The following DLG2 variants were observed in gnomAD, a reference collection of about 807,000 sequenced individuals.
DLG2 encodes the protein discs large MAGUK scaffold protein 2.
DLG2 carries 45 observed loss-of-function variants against 132.5 expected under a neutral mutation model. That is an observed-to-expected ratio of 0.34 (90% CI 0.27 to 0.44). The LOEUF is 0.44. DLG2 is among the 20% of genes least tolerant of loss of function. The pLI, the probability that DLG2 is intolerant of heterozygous loss-of-function variation, is 1.00. For missense variants in DLG2, 1,045 were observed against 1,196.9 expected (o/e 0.87, Z 1.87); for synonymous variants, 424 against 419.6 (o/e 1.01, Z -0.13).
intron 3 of DLG2, among the ~76,000 whole-genome samples, chr11:85,324,513 C>T (rs975965070): frequency 2.6e-5 from 4 of 152,142 alleles, no homozygotes; most frequent in African/African-American, 9.7e-5. Context: ...TACTGATACA[C>T]TGGTATTATT....
intron 6 of DLG2, among the ~76,000 whole-genome samples, chr11:84,733,148 A>G (rs2063367335): frequency 6.6e-6 from 1 of 152,204 alleles, no homozygotes; most frequent in South Asian, 2.1e-4. Flanking sequence ...TCCTTTGGGT[A>G]TATACCCAGT....
At chr11:85,396,102 G>A (rs948216234) in intron 3 of DLG2, among the ~76,000 whole-genome samples, 1 of 152,184 alleles carries the variant, frequency 6.6e-6, no homozygotes, top group Non-Finnish European at 1.5e-5. Context: ...CTGTTCTGCA[G>A]CCTCCGCTGG....
In DLG2 at chr11:83,496,427, A is replaced by G. The variant is rs541344514; in HGVS notation, c.2194-12199T>C. 5.9e-5 allele frequency among the ~76,000 whole-genome samples: 9 copies of G among 152,262 alleles called. No individual in the cohort carries two copies. In the South Asian group the frequency reaches 1.9e-3, roughly 32 times the overall value. ...GGTATCTTCTTGTAAATGTAATCAT[A>G]TAACTAATGTATGACTTAGAAATTC... is the stretch of plus-strand genomic sequence containing the variant. On this transcript the variant is annotated intron_variant, in intron 21 of 27. Coordinates refer to ENST00000376104, the MANE Select transcript of DLG2 (RefSeq NM_001142699.3).
intron 6 of DLG2, among the ~76,000 whole-genome samples, chr11:84,538,773 T>C (rs952584316): frequency 2.0e-5 from 3 of 152,102 alleles, no homozygotes; most frequent in Non-Finnish European, 4.4e-5. Flanking sequence ...TAGGGAGTCA[T>C]CCAAGAGACC....
intron 15 of DLG2, among the ~76,000 whole-genome samples, chr11:83,886,886 T>C (rs961447916): frequency 1.3e-5 from 2 of 150,266 alleles, no homozygotes; most frequent in Non-Finnish European, 2.9e-5. Context: ...AATAAAGATG[T>C]TCTTTGAAAC....
At chr11:83,679,156 A>T (rs1035512523) in intron 18 of DLG2, among the ~76,000 whole-genome samples, 1 of 152,172 alleles carries the variant, frequency 6.6e-6, no homozygotes, top group Non-Finnish European at 1.5e-5. Context: ...GCCAATTTAC[A>T]TTAGTAGTAT....
At chr11:84,579,985 G>A (rs1171635654) in intron 6 of DLG2, among the ~76,000 whole-genome samples, 1 of 152,174 alleles carries the variant, frequency 6.6e-6, no homozygotes, top group Non-Finnish European at 1.5e-5. Flanking sequence ...CACCATGAAA[G>A]TGAGTATAAG....
chr11:84,639,783 C>A, intron 6 of DLG2, among the ~76,000 whole-genome samples: 1 of 152,066 alleles, frequency 6.6e-6, no homozygotes, highest in East Asian at 1.9e-4. Context: ...TCCCTCTCTT[C>A]TTGATATATC....
At chr11:84,149,845 C>A (rs1473850282) in intron 9 of DLG2, among the ~76,000 whole-genome samples, 3 of 152,026 alleles carry the variant, frequency 2.0e-5, no homozygotes, top group Non-Finnish European at 2.9e-5. Flanking sequence ...GCAGCCTCCA[C>A]CTCCCGGGTT....
At chr11:85,260,308 G>T (rs1012003264) in intron 4 of DLG2, among the ~76,000 whole-genome samples, 5 of 152,134 alleles carry the variant, frequency 3.3e-5, no homozygotes, top group Non-Finnish European at 7.4e-5. Context: ...GCTACTTCTT[G>T]ACTTTTAATA....
At chr11:83,502,642 C>T (rs556404135) in intron 21 of DLG2, among the ~76,000 whole-genome samples, 1 of 152,178 alleles carries the variant, frequency 6.6e-6, no homozygotes, top group Admixed American at 6.5e-5. Context: ...TGTAGCTTCC[C>T]TAAGGGCTCC....
intron 7 of DLG2, among the ~76,000 whole-genome samples, chr11:84,309,466 C>A (rs925295034): frequency 1.3e-5 from 2 of 152,142 alleles, no homozygotes; most frequent in African/African-American, 4.8e-5. Context: ...GGACATGGAC[C>A]AATTCTGCCA....
chr11:84,403,646 G>T (rs1162728990), intron 7 of DLG2, among the ~76,000 whole-genome samples: 1 of 152,120 alleles, frequency 6.6e-6, no homozygotes, highest in Non-Finnish European at 1.5e-5. Flanking sequence ...ACGCCTACTA[G>T]CTTACCCAAT....
chr11:85,004,128 C>A (rs1237818632), intron 6 of DLG2, among the ~76,000 whole-genome samples: 1 of 152,092 alleles, frequency 6.6e-6, no homozygotes, highest in Non-Finnish European at 1.5e-5. Flanking sequence ...CATTGATGGG[C>A]ATTTGGGTTG....
intron 11 of DLG2, among the ~76,000 whole-genome samples, chr11:84,038,340 T>C (rs945305100): frequency 6.6e-6 from 1 of 151,562 alleles, no homozygotes; most frequent in Non-Finnish European, 1.5e-5. Context: ...GCAAAGGACA[T>C]GAACAGACGC....
intron 6 of DLG2, among the ~76,000 whole-genome samples, chr11:85,062,035 T>A (rs1300522987): frequency 6.6e-6 from 1 of 151,812 alleles, no homozygotes; most frequent in Non-Finnish European, 1.5e-5. Context: ...TGAACATAAT[T>A]TATAAAAAGA....
intron 3 of DLG2, among the ~76,000 whole-genome samples, chr11:85,360,494 A>T (rs2084060180): frequency 6.6e-6 from 1 of 152,210 alleles, no homozygotes; most frequent in Non-Finnish European, 1.5e-5. Flanking sequence ...CTATTCTTCT[A>T]CAACCCAGTT....
chr11:84,560,085 T>A (rs763037998), intron 6 of DLG2, among the ~76,000 whole-genome samples: 1 of 152,104 alleles, frequency 6.6e-6, no homozygotes, highest in Non-Finnish European at 1.5e-5. Context: ...TAACAGGTTT[T>A]GCATAATCTT....
intron 18 of DLG2, 95 bp downstream of exon 18, chr11:83,786,587 AACACCAAT>A: frequency 9.4e-7 from 1 of 1,067,082 alleles, no homozygotes; most frequent in Admixed American, 2.0e-5. Flanking sequence ...AGGTTTACAA[AACACCAAT>A]GATGGTGACT....
Sources: allele counts gnomAD v4.1 joint callset (sites outside exome capture counted in the v4.1 genomes callset), GRCh38; gene constraint gnomAD v4.1.1; transcripts MANE v1.5; gene names NCBI Gene and HGNC (gene_info 2026-07-23, HGNC 2026-07-21).